MYC: variants seen among roughly 807,000 people sequenced by gnomAD.
MYC encodes the protein MYC proto-oncogene, bHLH transcription factor.
A neutral mutation model predicts 30.5 loss-of-function variants in MYC; 1 was observed. That is an observed-to-expected ratio of 0.03 (90% CI 0.01 to 0.16). The LOEUF is 0.16. Ranked by LOEUF, MYC falls within the 10% of genes least tolerant of loss-of-function variation. The pLI is 1.00. For synonymous variants in MYC, 267 were observed against 250.7 expected (o/e 1.07, Z -0.62); for missense variants, 508 against 589.0 (o/e 0.86, Z 1.42).
Position 127,742,404 on chromosome 8 carries a change from G to T in MYC, c.*1446G>T, listed in dbSNP as rs1813726119. Reference sequence around the variant, plus strand: ...GTAGGAATCAGCTGGCTGCTTGTGAGTACAGGAGTTACAGTCCAGTGGGTT... The same window carrying T: ...GTAGGAATCAGCTGGCTGCTTGTGATTACAGGAGTTACAGTCCAGTGGGTT... On this transcript the variant is annotated 3_prime_UTR_variant, in exon 3 of 3. Coordinates refer to ENST00000621592, the MANE Select transcript of MYC (RefSeq NM_002467.6). 6.6e-6 allele frequency among the ~76,000 whole-genome samples: 1 copy of T among 152,258 alleles called. No homozygotes were observed. Among genetic ancestry groups the T allele is most frequent in the Non-Finnish European group, 1.5e-5 (1 of 68,038 alleles).
chr8:127,742,477 CTTTT>C lies in MYC; in HGVS notation c.*1523_*1526del, dbSNP rs1423170080. 6.6e-6 allele frequency among the ~76,000 whole-genome samples: 1 copy of C among 152,122 alleles called. No individual in the cohort carries two copies. The highest frequency in any genetic ancestry group is 2.4e-5 in the African/African-American group (1 of 41,426). The stretch of plus-strand genomic sequence containing the variant: ...TAAGCCTGGTCAGGCATCAGTTCCC[CTTTT>C]TTTGTGATTTATTTTGTTTTTATTT... On this transcript the variant is annotated 3_prime_UTR_variant, in exon 3 of 3. Coordinates refer to ENST00000621592, the MANE Select transcript of MYC (RefSeq NM_002467.6).
At chr8:127,736,700 A>G in intron 1 of MYC, 77 bp downstream of exon 1, 3 of 1,496,206 alleles carry the variant, frequency 2.0e-6, no homozygotes, top group Non-Finnish European at 2.8e-6. Flanking sequence ...ATGCCTAAAT[A>G]GGGTGTCTTT....
upstream of MYC, chr8:127,736,090 G>C (rs73707291): frequency 3.7e-3 from 1,573 of 424,302 alleles, 28 homozygotes; most frequent in African/African-American, 0.028. Context: ...TGTGCTGCTC[G>C]CGGCCGCCAC....
chr8:127,736,628 G>A lies in MYC; in HGVS notation c.30+5G>A. ...TTTCGGGTAGTGGAAAACCAGGTAA[G>A]CACCGAAGTCCACTTGCCTTTTAAT... On this transcript the variant is annotated splice_donor_5th_base_variant and intron_variant, in intron 1 of 2. Coordinates refer to ENST00000621592, the MANE Select transcript of MYC (RefSeq NM_002467.6). 2 of 1,614,098 alleles carry A rather than the reference G, an allele frequency of 1.2e-6. No individual in the cohort carries two copies. The highest frequency in any genetic ancestry group is 1.7e-6 in the Non-Finnish European group (2 of 1,179,926).
At chr8:127,736,082 T>C (rs111915501), upstream of MYC, 1 of 425,662 alleles carries the variant, frequency 2.3e-6, no homozygotes, top group East Asian at 3.4e-5. Context: ...CCCCGAGCTG[T>C]GCTGCTCGCG....
chr8:127,738,523 C>T lies in MYC; in HGVS notation c.306C>T (p.Asp102=), dbSNP rs868656085. 6.2e-7 allele frequency: 1 copy of T among 1,611,290 alleles called. No homozygotes were observed. The highest frequency in any genetic ancestry group is 8.5e-7 in the Non-Finnish European group (1 of 1,178,370). The change falls in exon 2 of 3, where the codon GAC becomes GAT. Residue 102 remains aspartate, a synonymous_variant. Coordinates refer to ENST00000621592, the MANE Select transcript of MYC (RefSeq NM_002467.6). This position sits in a 1 kb window ranked among gnomAD's most constrained non-coding sequence, Gnocchi z 7.6. ...CCTTCTCCCTTCGGGGAGACAACGA[C>T]GGCGGTGGCGGGAGCTTCTCCACGG...
In MYC at chr8:127,738,355, C is replaced by T. The variant is rs1208337864; in HGVS notation, c.138C>T (p.Phe46=). The change falls in exon 2 of 3, where the codon TTC becomes TTT. Residue 46 remains phenylalanine, a synonymous_variant. Coordinates refer to ENST00000621592, the MANE Select transcript of MYC (RefSeq NM_002467.6). The surrounding 1 kb of genome is among the most constrained non-coding windows in gnomAD (Gnocchi z 7.6). Reference sequence around the variant, plus strand: ...TCTACTGCGACGAGGAGGAGAACTTCTACCAGCAGCAGCAGCAGAGCGAGC... The same window carrying T: ...TCTACTGCGACGAGGAGGAGAACTTTTACCAGCAGCAGCAGCAGAGCGAGC... The T allele has an allele frequency of 6.2e-7, 1 of 1,614,044 alleles. No homozygotes were observed. The highest frequency in any genetic ancestry group is 8.5e-7 in the Non-Finnish European group (1 of 1,180,034).
In MYC at chr8:127,738,017, G is replaced by T. The variant is rs941937803; in HGVS notation, c.31-231G>T. Among the ~76,000 whole-genome samples the T allele has an allele frequency of 6.6e-6, 1 of 152,008 alleles. No homozygotes were observed. Among genetic ancestry groups the T allele is most frequent in the Non-Finnish European group, 1.5e-5 (1 of 67,978 alleles). On this transcript the variant is annotated intron_variant, in intron 1 of 2. Transcript: ENST00000621592. The surrounding 1 kb of genome is among the most constrained non-coding windows in gnomAD (Gnocchi z 7.6). ...TCCCGGGGGAGCGGGGGCTCGGCGG[G>T]CACCAAGCCGCTGGTTCACTAAGTG...
rs1407807188 is a variant in MYC, at chr8:127,738,499, C to T, written c.282C>T (p.Pro94=). Residue 94 remains proline, a synonymous_variant, in exon 2 of 3, where the codon CCC becomes CCT. Transcript: ENST00000621592. The surrounding 1 kb of genome is among the most constrained non-coding windows in gnomAD (Gnocchi z 7.6). Reference sequence around the variant, plus strand: ...CGCCCTCCTACGTTGCGGTCACACCCTTCTCCCTTCGGGGAGACAACGACG... The same window carrying T: ...CGCCCTCCTACGTTGCGGTCACACCTTTCTCCCTTCGGGGAGACAACGACG... 3.1e-6 allele frequency: 5 copies of T among 1,609,096 alleles called. No homozygotes were observed. The highest frequency in any genetic ancestry group is 2.2e-5 in the East Asian group (1 of 44,824).
Position 127,738,857 on chromosome 8 carries a change from C to A in MYC, c.640C>A (p.Leu214Ile). 2 of 1,612,368 alleles carry A rather than the reference C, an allele frequency of 1.2e-6. No individual in the cohort carries two copies. The highest frequency in any genetic ancestry group is 1.7e-6 in the Non-Finnish European group (2 of 1,179,846). Residue 214 changes from leucine to isoleucine, a missense_variant, in exon 2 of 3, where the codon CTC becomes ATC. This residue lies in a region of MYC where 364 missense variants were observed against 381.1 expected (regional missense o/e 0.96). Coordinates refer to ENST00000621592, the MANE Select transcript of MYC (RefSeq NM_002467.6). The surrounding 1 kb of genome is among the most constrained non-coding windows in gnomAD (Gnocchi z 7.6). ...CCCCTCGGTGGTCTTCCCCTACCCT[C>A]TCAACGACAGCAGCTCGCCCAAGTC...
rs374754442 is a variant in MYC at position 127,740,757 on chromosome 8, C to T, written c.1164C>T (p.Ser388=). The change falls in exon 3 of 3, where the codon AGC becomes AGT. Residue 388 remains serine, a synonymous_variant. Transcript: ENST00000621592. ...AGAGGAGGAACGAGCTAAAACGGAG[C>T]TTTTTTGCCCTGCGTGACCAGATCC... The T allele has an allele frequency of 3.1e-6, 5 of 1,613,874 alleles. No homozygotes were observed. The highest frequency in any genetic ancestry group is 1.3e-5 in the African/African-American group (1 of 74,854).
At position 127,738,060 on chromosome 8, in the gene MYC, G is replaced by A. The variant is rs891471986; in HGVS notation, c.31-188G>A. ...ACTAAGTGCGTCTCCGAGATAGCAG[G>A]GGACTGTCCAAAGGGGGTGAAAGGG... is the stretch of plus-strand genomic sequence containing the variant. On this transcript the variant is annotated intron_variant, in intron 1 of 2. Transcript: ENST00000621592. This position sits in a 1 kb window ranked among gnomAD's most constrained non-coding sequence, Gnocchi z 7.6. 6.6e-6 allele frequency among the ~76,000 whole-genome samples: 1 copy of A among 152,128 alleles called. No individual in the cohort carries two copies. Among genetic ancestry groups the A allele is most frequent in the African/African-American group, 2.4e-5 (1 of 41,428 alleles).
intron 1 of MYC, 130 bp downstream of exon 1, chr8:127,736,753 T>A: frequency 1.9e-6 from 2 of 1,063,578 alleles, no homozygotes; most frequent in Non-Finnish European, 1.4e-6. Context: ...AGAGTAGTTA[T>A]GGTAACTGGG....
Position 127,738,755 on chromosome 8 carries a change from G to C in MYC, c.538G>C (p.Ala180Pro), listed in dbSNP as rs1164555124. The C allele has an allele frequency of 6.2e-7, 1 of 1,611,588 alleles. No homozygotes were observed. The highest frequency in any genetic ancestry group is 1.1e-5 in the South Asian group (1 of 90,852). Residue 180 changes from alanine to proline, a missense_variant, in exon 2 of 3, where the codon GCC (alanine) becomes CCC (proline). Coordinates refer to ENST00000621592, the MANE Select transcript of MYC (RefSeq NM_002467.6). The surrounding 1 kb of genome is among the most constrained non-coding windows in gnomAD (Gnocchi z 7.6). ...CAAAGACAGCGGCAGCCCGAACCCC[G>C]CCCGCGGCCACAGCGTCTGCTCCAC...
At chr8:127,737,160 C>T (rs143766674) in intron 1 of MYC, among the ~76,000 whole-genome samples, 132 of 152,396 alleles carry the variant, frequency 8.7e-4, no homozygotes, top group Non-Finnish European at 1.6e-3. Flanking sequence ...GCCCGCCTGT[C>T]CCCGCGGCGA....
At chr8:127,739,343 G>A (rs976838043) in intron 2 of MYC, among the ~76,000 whole-genome samples, 2 of 152,234 alleles carry the variant, frequency 1.3e-5, no homozygotes, top group Non-Finnish European at 2.9e-5. Context: ...GCCCTGGGGC[G>A]GGGTGGCAGG....
Position 127,740,783 on chromosome 8 carries a change from C to T in MYC, c.1190C>T (p.Pro397Leu), listed in dbSNP as rs141095253. The T allele has an allele frequency of 1.2e-6, 2 of 1,613,812 alleles. No homozygotes were observed. Among genetic ancestry groups the T allele is most frequent in the Non-Finnish European group, 8.5e-7 (1 of 1,180,020 alleles). The change falls in exon 3 of 3, where the codon CCG becomes CTG. Residue 397 changes from proline (P) to leucine (L), a missense_variant. This residue lies in a region of MYC where 40 missense variants were observed against 78.4 expected (regional missense o/e 0.51). Transcript: ENST00000621592. ...TTTTTTGCCCTGCGTGACCAGATCCCGGAGTTGGAAAACAATGAAAAGGCC... is the reference window on the plus strand; with the variant it reads ...TTTTTTGCCCTGCGTGACCAGATCCTGGAGTTGGAAAACAATGAAAAGGCC...
chr8:127,736,095 C>A (rs1027454697), upstream of MYC: 1 of 425,284 alleles, frequency 2.4e-6, no homozygotes, highest in African/African-American at 2.0e-5. Flanking sequence ...TGCTCGCGGC[C>A]GCCACCGCCG....
chr8:127,739,502 G>T (rs1229194343), intron 2 of MYC, among the ~76,000 whole-genome samples: 2 of 152,176 alleles, frequency 1.3e-5, no homozygotes, highest in African/African-American at 4.8e-5. Flanking sequence ...GCCTGAGTGC[G>T]GGAGCCAGTG....
Sources: gnomAD v4.1 joint callset for allele counts (sites outside exome capture counted in the v4.1 genomes callset) on GRCh38, gnomAD v4.1.1 for gene constraint, gnomAD v4.1.1 regional missense constraint, Gnocchi (gnomAD v3.1) non-coding constraint, MANE v1.5 for transcripts, NCBI Gene and HGNC (gene_info 2026-07-23, HGNC 2026-07-21) for gene names.